The following MAST3 variants were observed in gnomAD, a reference collection of about 807,000 sequenced individuals.
MAST3 encodes microtubule associated serine/threonine kinase 3.
In MAST3, 43 loss-of-function variants were observed where a neutral mutation model predicts 127.0. The ratio of observed to expected loss-of-function variants is 0.34; its 90% CI spans 0.27 to 0.44. The LOEUF (loss-of-function observed/expected upper bound fraction) is 0.44. MAST3 is among the 20% of genes least tolerant of loss of function. MAST3 has a pLI of 1.00. For synonymous variants in MAST3, 785 were observed against 809.2 expected (o/e 0.97, Z 0.51); for missense variants, 1,390 against 1,919.1 (o/e 0.72, Z 5.15).
chr19:18,111,261 T>G (rs1364818817), intron 3 of MAST3, among the ~76,000 whole-genome samples: 1 of 149,290 alleles, frequency 6.7e-6, no homozygotes, highest in Non-Finnish European at 1.5e-5. Flanking sequence ...AGAGAGGAGA[T>G]GCCAGTTTTC....
rs539926951 is a variant in MAST3, at chr19:18,138,408, C to T, written c.2096-607C>T. 1.1e-4 allele frequency among the ~76,000 whole-genome samples: 16 copies of T among 152,038 alleles called. No homozygotes were observed. In the South Asian group the frequency reaches 3.3e-3, roughly 32 times the overall value. ...CTCGGCTTACTGGAACTTCTACCTC[C>T]CGGTTTCAAGCAATTATCTGCCTCA... On this transcript the variant is annotated intron_variant, in intron 19 of 27. Transcript: ENST00000687212.
intron 1 of MAST3, chr19:18,098,792 CT>C (rs1427620569): frequency 4.4e-6 from 2 of 456,700 alleles, no homozygotes; most frequent in Admixed American, 2.3e-5. Context: ...GTGTGCCTGG[CT>C]CTGGAGAGGC....
Position 18,147,019 on chromosome 19 carries a change from T to TGC in MAST3, c.3305_3306dup (p.Ala1103ArgfsTer3). The TGC allele has an allele frequency of 6.4e-7, 1 of 1,570,394 alleles. No homozygotes were observed. The highest frequency in any genetic ancestry group is 8.6e-7 in the Non-Finnish European group (1 of 1,158,476). ...CCGTCGGCGGGAGACCCAGGATCGG[T>TGC]GCGCGGCAGTGACCACCAGGGAGCG... On this transcript the variant is annotated frameshift_variant, in exon 26 of 28. Coordinates refer to ENST00000687212, the MANE Select transcript of MAST3 (RefSeq NM_001393504.1). LOFTEE classifies it high-confidence loss of function.
At chr19:18,118,361 T>C (rs964348269) in intron 3 of MAST3, 5 of 622,756 alleles carry the variant, frequency 8.0e-6, no homozygotes, top group Non-Finnish European at 1.0e-5. Flanking sequence ...CGTCTGTCTG[T>C]GGCAGCAGTG....
intron 11 of MAST3, among the ~76,000 whole-genome samples, chr19:18,125,261 G>A (rs1183403644): frequency 6.6e-6 from 1 of 152,182 alleles, no homozygotes; most frequent in Non-Finnish European, 1.5e-5. Context: ...TTGGGGCCCA[G>A]GGGCCTCAGT....
intron 7 of MAST3, 46 bp downstream of exon 7, chr19:18,123,420 G>A (rs1358036554): frequency 4.5e-6 from 7 of 1,564,068 alleles, no homozygotes; most frequent in Non-Finnish European, 5.2e-6. Context: ...CCCTGGGCTG[G>A]TGTGGAGGCC....
rs1330121154 is a variant in MAST3, at chr19:18,150,045, G to A, written c.*319G>A. 1.0e-5 allele frequency: 3 copies of A among 291,686 alleles called. No individual in the cohort carries two copies. Among genetic ancestry groups the A allele is most frequent in the East Asian group, 1.1e-4 (1 of 9,084 alleles). 18.1% of individuals were successfully genotyped at this position (291,686 alleles called of 1,614,324 possible). A position where few individuals can be genotyped will look rare whatever the true frequency, so the allele number is the denominator to read the frequency against. ...TCTGTTGCCCGGGCTGGAGTGCAGC[G>A]GCGTGATCTCAGCTCACTGCAACCT... On this transcript the variant is annotated 3_prime_UTR_variant, in exon 28 of 28. Coordinates refer to ENST00000687212, the MANE Select transcript of MAST3 (RefSeq NM_001393504.1).
intron 1 of MAST3, among the ~76,000 whole-genome samples, chr19:18,102,283 G>A (rs1030777613): frequency 2.7e-5 from 4 of 147,816 alleles, no homozygotes; most frequent in Non-Finnish European, 4.5e-5. Context: ...GAGTTCAAGC[G>A]ATTCTCCTGC....
At chr19:18,141,218 A>G (rs187147748) in intron 20 of MAST3, among the ~76,000 whole-genome samples, 1 of 152,212 alleles carries the variant, frequency 6.6e-6, no homozygotes, top group East Asian at 1.9e-4. Context: ...GTCAACAGCA[A>G]AAACGCAGCT....
intron 27 of MAST3, among the ~76,000 whole-genome samples, chr19:18,148,958 G>A (rs1224964940): frequency 6.6e-6 from 1 of 151,924 alleles, no homozygotes; most frequent in Admixed American, 6.6e-5. Flanking sequence ...AGCTACTCAG[G>A]AGGCTGAGTT....
In MAST3 at chr19:18,121,811, C is replaced by G. The variant is rs369529044; in HGVS notation, c.250+38C>G. On this transcript the variant is annotated intron_variant, in intron 4 of 27. Coordinates refer to ENST00000687212, the MANE Select transcript of MAST3 (RefSeq NM_001393504.1). ...GCAGCCAGCGGGTGCTGTGTCCTGC[C>G]TCTGCCCCGCTGACTCAGTTTCCCC... 77 of 1,613,780 alleles carry G rather than the reference C, an allele frequency of 4.8e-5. No homozygotes were observed. The African/African-American group carries it at 8.5e-4, about 18-fold the overall frequency.
At position 18,144,319 on chromosome 19, in the gene MAST3, A is replaced by T; in HGVS notation, c.2585-147A>T. The T allele has an allele frequency of 2.6e-6, 2 of 760,842 alleles. No homozygotes were observed. Among genetic ancestry groups the T allele is most frequent in the Non-Finnish European group, 4.2e-6 (2 of 471,238 alleles). 47.1% of individuals were successfully genotyped at this position (760,842 alleles called of 1,614,324 possible). On this transcript the variant is annotated intron_variant, in intron 22 of 27. Coordinates refer to ENST00000687212, the MANE Select transcript of MAST3 (RefSeq NM_001393504.1). The surrounding 1 kb of genome is among the most constrained non-coding windows in gnomAD (Gnocchi z 4.0). Reference sequence around the variant, plus strand: ...ACTTTTGCATAGAGAATAATTTGGGAAGGGAGTGCAGGAAGAGGGAACTGC... The same window carrying T: ...ACTTTTGCATAGAGAATAATTTGGGTAGGGAGTGCAGGAAGAGGGAACTGC...
chr19:18,102,599 G>A (rs565098348), intron 1 of MAST3, among the ~76,000 whole-genome samples: 2 of 150,332 alleles, frequency 1.3e-5, no homozygotes, highest in Admixed American at 6.6e-5. Context: ...CTCCTGCCTC[G>A]GCCTACCGAG....
Position 18,135,638 on chromosome 19 carries a change from G to A in MAST3, c.1871-102G>A. 3 of 885,728 alleles carry A rather than the reference G, an allele frequency of 3.4e-6. No homozygotes were observed. The Admixed American group carries it at 6.5e-5, about 19-fold the overall frequency. 54.9% of individuals were successfully genotyped at this position (885,728 alleles called of 1,614,324 possible). ...GTTGCAGGGGCAGAGGAGGCCAGTG[G>A]CTTGGAGTACAGTGAAGTGAGGGGA... On this transcript the variant is annotated intron_variant, in intron 17 of 27. Transcript: ENST00000687212.
intron 18 of MAST3, among the ~76,000 whole-genome samples, chr19:18,136,117 GGCCCA>G (rs2041869959): frequency 6.6e-6 from 1 of 152,220 alleles, no homozygotes; most frequent in South Asian, 2.1e-4. Context: ...CTGTGTCAAA[GGCCCA>G]GCCCAGAAGA....
intron 16 of MAST3, 41 bp downstream of exon 16, chr19:18,134,752 C>T (rs1180062486): frequency 1.9e-6 from 3 of 1,613,200 alleles, no homozygotes; most frequent in Admixed American, 1.7e-5. Flanking sequence ...GATGCCTCCT[C>T]CTCTCTCCTG....
Position 18,147,425 on chromosome 19 carries a change from C to T in MAST3, c.3327-18C>T. Reference sequence around the variant, plus strand: ...GCCAGGAGCAGGGGTTCTGAAGCCTCCGGTTTTCTTACCCCAGGCGGAAGT... The same window carrying T: ...GCCAGGAGCAGGGGTTCTGAAGCCTTCGGTTTTCTTACCCCAGGCGGAAGT... On this transcript the variant is annotated intron_variant, in intron 26 of 27. Coordinates refer to ENST00000687212, the MANE Select transcript of MAST3 (RefSeq NM_001393504.1). 1 of 1,612,282 alleles carries T rather than the reference C, an allele frequency of 6.2e-7. No individual in the cohort carries two copies. Among genetic ancestry groups the T allele is most frequent in the African/African-American group, 1.3e-5 (1 of 74,920 alleles).
intron 2 of MAST3, among the ~76,000 whole-genome samples, chr19:18,108,493 C>CCTCCAGAGTAGT (rs988288576): frequency 6.6e-6 from 1 of 151,822 alleles, no homozygotes; most frequent in African/African-American, 2.4e-5. Context: ...CCCGCCTCAG[C>CCTCCAGAGTAGT]CTCCAGAGTA....
intron 3 of MAST3, among the ~76,000 whole-genome samples, chr19:18,113,156 C>T (rs2038830905): frequency 6.6e-6 from 1 of 152,126 alleles, no homozygotes; most frequent in Non-Finnish European, 1.5e-5. Context: ...CTGCCTCACT[C>T]ACCACCGGGG....
Sources: allele counts gnomAD v4.1 joint callset (sites outside exome capture counted in the v4.1 genomes callset), GRCh38; gene constraint gnomAD v4.1.1; non-coding constraint Gnocchi (gnomAD v3.1); transcripts MANE v1.5; gene names NCBI Gene and HGNC (gene_info 2026-07-23, HGNC 2026-07-21).